Variants in TMEM217B observed in about 807,000 individuals in gnomAD.
The protein encoded by TMEM217B is transmembrane protein 217B, also known as putative transmembrane protein 217B.
the TMEM217B span, among the ~76,000 whole-genome samples, chr6:37,225,501 A>T: frequency 6.6e-6 from 1 of 152,200 alleles, no homozygotes; most frequent in African/African-American, 2.4e-5. Flanking sequence ...GGAAAAAAAT[A>T]AAAAGAGTGG....
At chr6:37,252,018 C>T in the TMEM217B span, among the ~76,000 whole-genome samples, 3 of 152,046 alleles carry the variant, frequency 2.0e-5, no homozygotes, top group East Asian at 1.9e-4. Context: ...CTCAGCCTCC[C>T]GAGTAGCTGG....
At chr6:37,255,528 A>C in the TMEM217B span, among the ~76,000 whole-genome samples, 3 of 152,064 alleles carry the variant, frequency 2.0e-5, no homozygotes, top group Non-Finnish European at 4.4e-5. Context: ...ACAAAAATAC[A>C]AAAAATTAGC....
the TMEM217B span, among the ~76,000 whole-genome samples, chr6:37,246,630 T>C: frequency 6.6e-6 from 1 of 152,112 alleles, no homozygotes; most frequent in Non-Finnish European, 1.5e-5. Context: ...AGGCTGGGCA[T>C]GGTGGTTCAC....
At chr6:37,253,392 C>T in the TMEM217B span, among the ~76,000 whole-genome samples, 1 of 152,148 alleles carries the variant, frequency 6.6e-6, no homozygotes, top group Non-Finnish European at 1.5e-5. Context: ...GAATGAAATA[C>T]CTAGTTTTCC....
chr6:37,247,673 C>T, the TMEM217B span, among the ~76,000 whole-genome samples: 620 of 152,052 alleles, frequency 4.1e-3, 1 homozygote, highest in African/African-American at 0.014. Flanking sequence ...GGCATGAACC[C>T]GGCAAGGGCA....
chr6:37,215,169 C>T, the TMEM217B span: 1 of 1,609,032 alleles, frequency 6.2e-7, no homozygotes, highest in Non-Finnish European at 8.5e-7. Context: ...CCAAGGTCCT[C>T]TGGTACATTC....
At chr6:37,237,434 A>G in the TMEM217B span, among the ~76,000 whole-genome samples, 12 of 152,234 alleles carry the variant, frequency 7.9e-5, no homozygotes, top group African/African-American at 2.9e-4. Flanking sequence ...CACTGTAAAT[A>G]TCTGACAACA....
the TMEM217B span, among the ~76,000 whole-genome samples, chr6:37,253,002 A>T: frequency 6.6e-6 from 1 of 152,146 alleles, no homozygotes; most frequent in African/African-American, 2.4e-5. Context: ...AAGTACCAAG[A>T]TGTATATAAT....
At chr6:37,257,961 A>T in the TMEM217B span, 1 of 1,614,110 alleles carries the variant, frequency 6.2e-7, no homozygotes, top group South Asian at 1.1e-5. Context: ...AGGAGCGCTA[A>T]GCTGCCGGGG....
chr6:37,240,317 G>A, the TMEM217B span, among the ~76,000 whole-genome samples: 3 of 152,210 alleles, frequency 2.0e-5, no homozygotes, highest in African/African-American at 7.2e-5. Flanking sequence ...CCATCTAAAG[G>A]CTCTACTTGT....
chr6:37,238,855 G>A, the TMEM217B span, among the ~76,000 whole-genome samples: 2 of 152,246 alleles, frequency 1.3e-5, no homozygotes, highest in East Asian at 1.9e-4. Context: ...TCTAGGCTGG[G>A]CATGGTGGCT....
the TMEM217B span, among the ~76,000 whole-genome samples, chr6:37,228,434 T>C: frequency 9.2e-5 from 14 of 152,374 alleles, no homozygotes; most frequent in South Asian, 6.2e-4. Context: ...CCAGGCGTGA[T>C]GGCTCACGCT....
At chr6:37,250,807 T>C in the TMEM217B span, among the ~76,000 whole-genome samples, 1 of 152,286 alleles carries the variant, frequency 6.6e-6, no homozygotes. Context: ...TTTCTATTTC[T>C]GTCTATTCTA....
At chr6:37,215,561 ACT>A in the TMEM217B span, among the ~76,000 whole-genome samples, 1 of 118,030 alleles carries the variant, frequency 8.5e-6, no homozygotes, top group Admixed American at 1.1e-4. Flanking sequence ...GCAGAGCGAG[ACT>A]CTGTCTCAAA....
chr6:37,252,112 C>T, the TMEM217B span, among the ~76,000 whole-genome samples: 8 of 152,206 alleles, frequency 5.3e-5, no homozygotes, highest in South Asian at 2.1e-4. Flanking sequence ...AGGCCGGTCT[C>T]GAACTCCTGA....
At chr6:37,257,686 C>T in the TMEM217B span, 3 of 544,784 alleles carry the variant, frequency 5.5e-6, no homozygotes, top group Non-Finnish European at 3.2e-6. Flanking sequence ...CTTCAGCGGC[C>T]TGCAGGATTC....
At chr6:37,237,004 TC>T in the TMEM217B span, among the ~76,000 whole-genome samples, 1 of 152,126 alleles carries the variant, frequency 6.6e-6, no homozygotes, top group East Asian at 1.9e-4. Context: ...GACTGGCTTC[TC>T]CAGAATGAGT....
the TMEM217B span, among the ~76,000 whole-genome samples, chr6:37,251,223 C>T: frequency 6.6e-6 from 1 of 152,100 alleles, no homozygotes; most frequent in African/African-American, 2.4e-5. Context: ...GGTAATGTGC[C>T]GACAGGAAAC....
the TMEM217B span, among the ~76,000 whole-genome samples, chr6:37,240,679 T>C: frequency 6.6e-6 from 1 of 152,222 alleles, no homozygotes; most frequent in Non-Finnish European, 1.5e-5. Context: ...TGAGGCCGGC[T>C]ATCACATCTC....
Sources: gnomAD v4.1 joint callset for allele counts (sites outside exome capture counted in the v4.1 genomes callset) on GRCh38, gnomAD v4.1.1 for gene constraint, MANE v1.5 for transcripts, NCBI Gene and HGNC (gene_info 2026-07-23, HGNC 2026-07-21) for gene names.